SPG11: variants seen among roughly 807,000 people sequenced by gnomAD.
SPG11 encodes spatacsin.
A neutral mutation model predicts 274.0 loss-of-function variants in SPG11; 222 were observed. The observed-to-expected ratio is 0.81, with a 90% CI of 0.73 to 0.91. SPG11 has a LOEUF of 0.91. Ranked by LOEUF, SPG11 falls within the 40% of genes least tolerant of loss-of-function variation. The probability of loss-of-function intolerance (pLI) is 0.00; values close to 1 mark genes in which losing one functional copy is unlikely to be tolerated. For synonymous variants in SPG11, 1,144 were observed against 1,039.7 expected (o/e 1.10, Z -1.93); for missense variants, 3,114 against 2,872.7 (o/e 1.08, Z -1.92).
chr15:44,622,462 G>T, intron 12 of SPG11, 115 bp from the exon 13 acceptor site: 1 of 926,952 alleles, frequency 1.1e-6, no homozygotes, highest in Non-Finnish European at 1.6e-6. Flanking sequence ...ATTAAAAAAA[G>T]TCATGAGATA....
rs144996082 is a variant in SPG11, at chr15:44,624,026, G to A, written c.2245-1227C>T. ...TCTGCCCATCTCGGCCTCCAAAATTGCTGGGATTACCGGTGTGAGCCACTG... is the reference window on the plus strand; with the variant it reads ...TCTGCCCATCTCGGCCTCCAAAATTACTGGGATTACCGGTGTGAGCCACTG... On this transcript the variant is annotated intron_variant, in intron 11 of 39. Coordinates refer to ENST00000261866, the MANE Select transcript of SPG11 (RefSeq NM_025137.4). 3.7e-3 allele frequency among the ~76,000 whole-genome samples: 563 copies of A among 152,202 alleles called. 2 individuals are homozygous for A. The highest frequency in any genetic ancestry group is 6.7e-3 in the Non-Finnish European group (457 of 68,004).
rs1406897126 is a variant in SPG11, at chr15:44,563,289, A to T, written c.7164T>A (p.His2388Gln). 1.2e-6 allele frequency: 2 copies of T among 1,613,188 alleles called. No homozygotes were observed. The highest frequency in any genetic ancestry group is 1.7e-6 in the Non-Finnish European group (2 of 1,179,356). The change falls in exon 40 of 40, where the codon CAT becomes CAA. Residue 2388 changes from histidine to glutamine, a missense_variant. Transcript: ENST00000261866. Reference protein sequence around the residue: ...FEEISKKYKQHQPTDMVMENL... With the variant: ...FEEISKKYKQQQPTDMVMENL... ...TTTCCATGACCATGTCAGTAGGCTGATGTTGTTTATATCTAGATAAAGAAA... is the reference window on the plus strand; with the variant it reads ...TTTCCATGACCATGTCAGTAGGCTGTTGTTGTTTATATCTAGATAAAGAAA...
At chr15:44,585,558 C>T (rs1372692438) in intron 29 of SPG11, 78 bp downstream of exon 29, 7 of 1,217,416 alleles carry the variant, frequency 5.7e-6, no homozygotes, top group East Asian at 4.8e-5. Context: ...GCGGAGATCG[C>T]GCCACTGCAC....
intron 7 of SPG11, among the ~76,000 whole-genome samples, chr15:44,643,994 T>A (rs956369459): frequency 6.6e-6 from 1 of 151,670 alleles, no homozygotes; most frequent in Admixed American, 6.6e-5. Flanking sequence ...AAACCCTGTC[T>A]CTACTAAAAA....
intron 34 of SPG11, among the ~76,000 whole-genome samples, chr15:44,570,180 CT>C (rs1567129077): frequency 6.6e-6 from 1 of 152,200 alleles, no homozygotes; most frequent in Non-Finnish European, 1.5e-5. Flanking sequence ...TGCCGACTTA[CT>C]TCAATTCAGA....
chr15:44,660,742 T>G, intron 1 of SPG11, 126 bp from the exon 2 acceptor site: 1 of 862,702 alleles, frequency 1.2e-6, no homozygotes, highest in East Asian at 2.6e-5. Flanking sequence ...ATTCTACACT[T>G]CAATCTAAGA....
In SPG11 at chr15:44,615,453, T is replaced by C. The variant is rs765222405; in HGVS notation, c.2948A>G (p.Lys983Arg). 5 of 1,613,990 alleles carry C rather than the reference T, an allele frequency of 3.1e-6. No individual in the cohort carries two copies. The highest frequency in any genetic ancestry group is 3.4e-6 in the Non-Finnish European group (4 of 1,180,008). The change falls in exon 16 of 40, where the codon AAA becomes AGA. Residue 983 changes from lysine to arginine, a missense_variant. Coordinates refer to ENST00000261866, the MANE Select transcript of SPG11 (RefSeq NM_025137.4). ...TTGAGAATGGAAATCCCAACCTTCTTTGGTCTTGTAGTTTTGAACAGGGAG... is the reference window on the plus strand; with the variant it reads ...TTGAGAATGGAAATCCCAACCTTCTCTGGTCTTGTAGTTTTGAACAGGGAG... ...DTLPVQNYKT[K>R]EGWDFHSQFI... is the part of the protein sequence containing the mutation.
At chr15:44,649,767 C>A (rs943909158) in intron 6 of SPG11, among the ~76,000 whole-genome samples, 1 of 151,958 alleles carries the variant, frequency 6.6e-6, no homozygotes, top group East Asian at 1.9e-4. Flanking sequence ...TGGTGGCGGG[C>A]ACCTGTAATC....
intron 4 of SPG11, among the ~76,000 whole-genome samples, chr15:44,653,631 A>G (rs1265691309): frequency 6.6e-6 from 1 of 152,190 alleles, no homozygotes; most frequent in African/African-American, 2.4e-5. Context: ...GAGTGACGAC[A>G]GAAGAGTTGA....
intron 31 of SPG11, chr15:44,573,948 A>C: frequency 1.6e-6 from 1 of 609,448 alleles, no homozygotes; most frequent in South Asian, 2.0e-5. Flanking sequence ...GGTAAAAGAA[A>C]GGCTTGTATT....
intron 7 of SPG11, among the ~76,000 whole-genome samples, chr15:44,637,155 T>G (rs1383781111): frequency 1.3e-5 from 2 of 152,046 alleles, no homozygotes; most frequent in African/African-American, 2.4e-5. Flanking sequence ...AATAGCAGAT[T>G]AGACACAGGT....
chr15:44,632,555 G>A (rs2084100950), intron 8 of SPG11, among the ~76,000 whole-genome samples: 1 of 150,834 alleles, frequency 6.6e-6, no homozygotes, highest in Non-Finnish European at 1.5e-5. Flanking sequence ...TTTGCAACCA[G>A]GCTGAAGTGC....
At chr15:44,580,659 T>G (rs2082641481) in intron 30 of SPG11, among the ~76,000 whole-genome samples, 1 of 152,130 alleles carries the variant, frequency 6.6e-6, no homozygotes, top group Non-Finnish European at 1.5e-5. Flanking sequence ...GGTGTGGTGA[T>G]GCACGCCTGT....
chr15:44,609,275 G>C (rs1288457782), intron 18 of SPG11, among the ~76,000 whole-genome samples: 1 of 151,884 alleles, frequency 6.6e-6, no homozygotes, highest in Non-Finnish European at 1.5e-5. Flanking sequence ...GGGACTACAG[G>C]CACCCACCAC....
At chr15:44,646,962 C>A (rs933946097) in intron 7 of SPG11, among the ~76,000 whole-genome samples, 2 of 151,858 alleles carry the variant, frequency 1.3e-5, no homozygotes, top group Admixed American at 1.3e-4. Flanking sequence ...GCAAATGTAC[C>A]CCTGAACCTA....
chr15:44,631,802 GC>G (rs1394306980), intron 8 of SPG11, among the ~76,000 whole-genome samples: 1 of 133,650 alleles, frequency 7.5e-6, no homozygotes, highest in Non-Finnish European at 1.6e-5. Context: ...ACTGCACCCA[GC>G]TTTTTTTTTT....
chr15:44,620,702 A>C, intron 14 of SPG11: 1 of 200,384 alleles, frequency 5.0e-6, no homozygotes, highest in Non-Finnish European at 9.8e-6. Context: ...GACCAGGTAA[A>C]TTTTTTTTTT....
At chr15:44,605,620 G>C (rs2083298641) in intron 20 of SPG11, among the ~76,000 whole-genome samples, 1 of 152,122 alleles carries the variant, frequency 6.6e-6, no homozygotes, top group Non-Finnish European at 1.5e-5. Flanking sequence ...GGTGGTCACT[G>C]TGATTAACCT....
intron 30 of SPG11, among the ~76,000 whole-genome samples, chr15:44,583,206 C>T (rs1225500625): frequency 2.0e-5 from 3 of 152,178 alleles, no homozygotes; most frequent in Non-Finnish European, 4.4e-5. Flanking sequence ...TGGCCGGGTG[C>T]GGTGGCTCAC....
Sources: allele counts gnomAD v4.1 joint callset (sites outside exome capture counted in the v4.1 genomes callset), GRCh38; gene constraint gnomAD v4.1.1; transcripts MANE v1.5; gene names NCBI Gene and HGNC (gene_info 2026-07-23, HGNC 2026-07-21).